The following DGKD variants were observed in gnomAD, a reference collection of about 807,000 sequenced individuals.
The protein encoded by DGKD is diacylglycerol kinase delta, also known as DAG kinase delta.
In DGKD, 68 loss-of-function variants were observed where a neutral mutation model predicts 154.4. The observed-to-expected ratio is 0.44, with a 90% CI of 0.36 to 0.54. The LOEUF is 0.54. Among genes scored for constraint, DGKD ranks in the 20% least tolerant of loss-of-function variants. DGKD has a pLI of 0.00. For synonymous variants in DGKD, 693 were observed against 638.0 expected (o/e 1.09, Z -1.30); for missense variants, 1,343 against 1,593.6 (o/e 0.84, Z 2.68).
At chr2:233,464,539 G>T (rs556009775) in intron 27 of DGKD, among the ~76,000 whole-genome samples, 19 of 152,336 alleles carry the variant, frequency 1.2e-4, no homozygotes, top group African/African-American at 4.1e-4. Context: ...AAACAGAACT[G>T]CAGGGCTTCC....
chr2:233,369,557 A>G (rs545840717), intron 1 of DGKD, among the ~76,000 whole-genome samples: 2 of 152,152 alleles, frequency 1.3e-5, no homozygotes, highest in African/African-American at 2.4e-5. Context: ...AGGTTTGTGC[A>G]TGTACTTTAT....
At position 233,438,742 on chromosome 2, in the gene DGKD, TCTGTCTATCTATCATC is replaced by T. The variant is rs779286325; in HGVS notation, c.1085+364_1085+379del. Reference sequence around the variant, plus strand: ...CTTTCATTTTATAATTTTTTATTTATCTGTCTATCTATCATCTATCTATCTATCTATCTATCTATCT... The same window carrying T: ...CTTTCATTTTATAATTTTTTATTTATTATCTATCTATCTATCTATCTATCT... On this transcript the variant is annotated intron_variant, in intron 9 of 29. Coordinates refer to ENST00000264057, the MANE Select transcript of DGKD (RefSeq NM_152879.3). The surrounding 1 kb of genome is among the most constrained non-coding windows in gnomAD (Gnocchi z 4.1). 0.13 allele frequency among the ~76,000 whole-genome samples: 18,157 copies of T among 137,446 alleles called. 1,332 individuals are homozygous for T. The highest frequency in any genetic ancestry group is 0.2 in the African/African-American group (7,434 of 37,552). 90.2% of individuals were successfully genotyped at this position (137,446 alleles called of 152,430 possible).
Position 233,445,579 on chromosome 2 carries a change from G to A in DGKD, c.1195-44G>A, listed in dbSNP as rs748697746. 5.8e-6 allele frequency: 9 copies of A among 1,548,414 alleles called. No individual in the cohort carries two copies. Among genetic ancestry groups the A allele is most frequent in the Non-Finnish European group, 3.5e-6 (4 of 1,145,452 alleles). On this transcript the variant is annotated intron_variant, in intron 10 of 29. Coordinates refer to ENST00000264057, the MANE Select transcript of DGKD (RefSeq NM_152879.3). This position sits in a 1 kb window ranked among gnomAD's most constrained non-coding sequence, Gnocchi z 5.5. ...GGCTGCGGGCTGGGAAGTGGCCCCT[G>A]CCCCCAGGTGTTTGCCTGCGCATCG... is the stretch of plus-strand genomic sequence containing the variant.
chr2:233,426,677 T>C (rs970709980), intron 3 of DGKD, among the ~76,000 whole-genome samples: 1 of 152,208 alleles, frequency 6.6e-6, no homozygotes, highest in African/African-American at 2.4e-5. Context: ...TGTAGGCCTG[T>C]TTAGAGTAGT....
chr2:233,460,433 G>A (rs1163334243), intron 24 of DGKD, 88 bp downstream of exon 24: 2 of 1,509,974 alleles, frequency 1.3e-6, no homozygotes, highest in South Asian at 2.6e-5. Flanking sequence ...GCGTGGAGCT[G>A]CTGCTCCTGA....
Position 233,459,896 on chromosome 2 carries a change from G to A in DGKD, c.2829+5G>A. 6.2e-7 allele frequency: 1 copy of A among 1,613,292 alleles called. No homozygotes were observed. Among genetic ancestry groups the A allele is most frequent in the Non-Finnish European group, 8.5e-7 (1 of 1,179,534 alleles). ...CAGACACTGACCAGAGACAGGGTAA[G>A]AGCGGCTGCCCGCGGTACCTGGGTG... On this transcript the variant is annotated splice_donor_5th_base_variant and intron_variant, in intron 23 of 29. Coordinates refer to ENST00000264057, the MANE Select transcript of DGKD (RefSeq NM_152879.3). The surrounding 1 kb of genome is among the most constrained non-coding windows in gnomAD (Gnocchi z 5.7).
intron 25 of DGKD, 71 bp downstream of exon 25, chr2:233,462,530 T>C (rs2063681763): frequency 2.0e-6 from 3 of 1,535,000 alleles, no homozygotes; most frequent in Non-Finnish European, 2.7e-6. Flanking sequence ...CCCGTGCGTG[T>C]TCATTCCCCC....
intron 6 of DGKD, 90 bp downstream of exon 6, chr2:233,436,014 A>G: frequency 1.5e-6 from 2 of 1,327,700 alleles, no homozygotes; most frequent in South Asian, 1.4e-5. Context: ...CCTCCCTGCC[A>G]CTGTTTCATT....
At chr2:233,400,301 A>C (rs996477870) in intron 3 of DGKD, among the ~76,000 whole-genome samples, 3 of 152,248 alleles carry the variant, frequency 2.0e-5, no homozygotes, top group Non-Finnish European at 2.9e-5. Flanking sequence ...TGTCTACAGG[A>C]CAGCGGGAGG....
Position 233,373,365 on chromosome 2 carries a change from TG to T in DGKD, c.157-14891del, listed in dbSNP as rs777259705. On this transcript the variant is annotated intron_variant, in intron 1 of 29. Transcript: ENST00000264057. ...GGTGGTGAGATTTGTATTATTTTTA[TG>T]TTTACATCTGCTTGCCTGCATTTTC... Among the ~76,000 whole-genome samples the T allele has an allele frequency of 1.8e-3, 276 of 152,368 alleles. 1 individual carries two copies. The highest frequency in any genetic ancestry group is 2.8e-3 in the Non-Finnish European group (189 of 68,030).
At chr2:233,383,827 G>A (rs113735374) in intron 1 of DGKD, among the ~76,000 whole-genome samples, 1 of 152,146 alleles carries the variant, frequency 6.6e-6, no homozygotes, top group Non-Finnish European at 1.5e-5. Context: ...AAGGATAGTT[G>A]AGGACATAAG....
chr2:233,378,864 C>T (rs1050623885), intron 1 of DGKD, among the ~76,000 whole-genome samples: 1 of 152,138 alleles, frequency 6.6e-6, no homozygotes, highest in African/African-American at 2.4e-5. Context: ...AGTGAGACCC[C>T]GCCTCTACAA....
At chr2:233,360,222 G>T (rs771942802) in intron 1 of DGKD, among the ~76,000 whole-genome samples, 1 of 152,042 alleles carries the variant, frequency 6.6e-6, no homozygotes, top group African/African-American at 2.4e-5. Flanking sequence ...AGAACTTCAG[G>T]ATGCCCACAT....
chr2:233,380,335 A>C (rs1044144026), intron 1 of DGKD, among the ~76,000 whole-genome samples: 3 of 152,170 alleles, frequency 2.0e-5, no homozygotes, highest in African/African-American at 7.2e-5. Context: ...ATGCTGACAG[A>C]GCGGGAGTGA....
intron 1 of DGKD, chr2:233,380,003 C>CT (rs1464318909): frequency 6.6e-6 from 1 of 152,096 alleles, no homozygotes; most frequent in Admixed American, 6.5e-5. Context: ...ATGTGGTGGT[C>CT]TGGGTCACAC....
chr2:233,422,392 T>C (rs2062148470), intron 3 of DGKD, among the ~76,000 whole-genome samples: 1 of 152,140 alleles, frequency 6.6e-6, no homozygotes, highest in Admixed American at 6.5e-5. Flanking sequence ...CATAGCAAAA[T>C]GAGCAGCTCA....
chr2:233,442,026 G>A lies in DGKD; in HGVS notation c.1194+31G>A. The A allele has an allele frequency of 5.7e-6, 9 of 1,585,652 alleles. No homozygotes were observed. In the South Asian group the frequency reaches 9.9e-5, roughly 18 times the overall value. ...AGGACAGGAGGGAGCCCAGCCAGGAGCAGAGAGGGTGCGGAGGTTAGAGGG... is the reference window on the plus strand; with the variant it reads ...AGGACAGGAGGGAGCCCAGCCAGGAACAGAGAGGGTGCGGAGGTTAGAGGG... On this transcript the variant is annotated intron_variant, in intron 10 of 29. Coordinates refer to ENST00000264057, the MANE Select transcript of DGKD (RefSeq NM_152879.3).
In DGKD at chr2:233,434,913, C is replaced by T. The variant is rs765434987; in HGVS notation, c.586+12C>T. On this transcript the variant is annotated intron_variant, in intron 5 of 29. Transcript: ENST00000264057. ...GCTGTCCTGCGAGGGTACGGATGTGCGTTTGTTATTCTGTCAGGAAAGGTG... is the reference window on the plus strand; with the variant it reads ...GCTGTCCTGCGAGGGTACGGATGTGTGTTTGTTATTCTGTCAGGAAAGGTG... 9.4e-6 allele frequency: 15 copies of T among 1,601,152 alleles called. No homozygotes were observed. The highest frequency in any genetic ancestry group is 5.5e-5 in the South Asian group (5 of 90,242).
chr2:233,370,517 A>G (rs1161656084), intron 1 of DGKD, among the ~76,000 whole-genome samples: 1 of 149,836 alleles, frequency 6.7e-6, no homozygotes, highest in Non-Finnish European at 1.5e-5. Context: ...GCACCCGGCC[A>G]CTGAGCACTG....
Sources: allele counts gnomAD v4.1 joint callset (sites outside exome capture counted in the v4.1 genomes callset), GRCh38; gene constraint gnomAD v4.1.1; non-coding constraint Gnocchi (gnomAD v3.1); transcripts MANE v1.5; gene names NCBI Gene and HGNC (gene_info 2026-07-23, HGNC 2026-07-21).